Variants in GRID1 observed in about 807,000 individuals in gnomAD.
GRID1 encodes the protein glutamate receptor ionotropic, delta-1.
GRID1 carries 28 observed loss-of-function variants against 98.0 expected under a neutral mutation model. The ratio of observed to expected loss-of-function variants is 0.29; its 90% CI spans 0.21 to 0.39. The LOEUF (loss-of-function observed/expected upper bound fraction) is 0.39, where lower values mean the gene tolerates loss of function less well. Ranked by LOEUF, GRID1 falls within the 10% of genes least tolerant of loss-of-function variation. GRID1 has a pLI of 1.00. For missense variants in GRID1, 1,111 were observed against 1,340.5 expected (o/e 0.83, Z 2.67); for synonymous variants, 553 against 538.5 (o/e 1.03, Z -0.37).
At chr10:86,207,061 A>G (rs993320133) in intron 2 of GRID1, among the ~76,000 whole-genome samples, 3 of 152,074 alleles carry the variant, frequency 2.0e-5, no homozygotes, top group Admixed American at 2.0e-4. Flanking sequence ...TGATCTGTGC[A>G]TCCTCATGCC....
At chr10:85,925,785 G>A (rs577321332) in intron 4 of GRID1, among the ~76,000 whole-genome samples, 123 of 152,302 alleles carry the variant, frequency 8.1e-4, no homozygotes, top group Admixed American at 1.8e-3. Flanking sequence ...CATCCGCTGG[G>A]AGAATAGCTA....
chr10:86,267,682 G>A (rs1416906649), intron 2 of GRID1, among the ~76,000 whole-genome samples: 1 of 152,138 alleles, frequency 6.6e-6, no homozygotes, highest in Non-Finnish European at 1.5e-5. Flanking sequence ...TCAGCTGAAA[G>A]ACAACAAAAG....
chr10:85,809,696 C>G (rs1344542337), intron 8 of GRID1, among the ~76,000 whole-genome samples: 1 of 152,126 alleles, frequency 6.6e-6, no homozygotes, highest in Non-Finnish European at 1.5e-5. Context: ...TGAAGTGTAA[C>G]AAAGGAGTAG....
At chr10:85,703,563 C>T (rs1293240415) in intron 12 of GRID1, among the ~76,000 whole-genome samples, 1 of 151,878 alleles carries the variant, frequency 6.6e-6, no homozygotes, top group Non-Finnish European at 1.5e-5. Flanking sequence ...TTAGTATTAC[C>T]TTACATAAGG....
intron 13 of GRID1, among the ~76,000 whole-genome samples, chr10:85,634,248 A>ACCTCTC (rs1843007971): frequency 2.5e-5 from 1 of 40,610 alleles, no homozygotes; most frequent in Non-Finnish European, 4.6e-5. Context: ...CTGATGGGGC[A>ACCTCTC]CCTCTCTCTC....
chr10:86,233,529 G>C (rs2132037423), intron 2 of GRID1, among the ~76,000 whole-genome samples: 1 of 152,266 alleles, frequency 6.6e-6, no homozygotes, highest in East Asian at 1.9e-4. Flanking sequence ...CCCTCACCCA[G>C]GGGAGCTGCC....
In GRID1 at chr10:85,698,269, G is replaced by A. The variant is rs147281703; in HGVS notation, c.1997+24734C>T. On this transcript the variant is annotated intron_variant, in intron 12 of 15. Coordinates refer to ENST00000327946, the MANE Select transcript of GRID1 (RefSeq NM_017551.3). ...AGAATGAAAGGCTCACATGCAAAACGGCAATGATCCATGTATAAACAGAAT... is the reference window on the plus strand; with the variant it reads ...AGAATGAAAGGCTCACATGCAAAACAGCAATGATCCATGTATAAACAGAAT... Among the ~76,000 whole-genome samples the A allele has an allele frequency of 9.7e-4, 148 of 152,202 alleles. 1 individual carries two copies. In the East Asian group the frequency reaches 0.02, roughly 20 times the overall value.
intron 8 of GRID1, among the ~76,000 whole-genome samples, chr10:85,742,403 C>CA: frequency 6.6e-6 from 1 of 152,210 alleles, no homozygotes; most frequent in Admixed American, 6.5e-5. Context: ...GCCCAAGGGC[C>CA]ATAGTTCGTT....
intron 2 of GRID1, among the ~76,000 whole-genome samples, chr10:86,279,172 G>A (rs1847318311): frequency 6.6e-6 from 1 of 152,106 alleles, no homozygotes; most frequent in African/African-American, 2.4e-5. Context: ...TTCCACCATG[G>A]AAAGGTACCA....
At chr10:86,301,650 A>G (rs1226855228) in intron 2 of GRID1, among the ~76,000 whole-genome samples, 2 of 152,202 alleles carry the variant, frequency 1.3e-5, no homozygotes, top group African/African-American at 4.8e-5. Flanking sequence ...AGGCCCGAGA[A>G]TGAGAAAGCC....
In GRID1 at chr10:86,337,342, G is replaced by A. The variant is rs1848237535; in HGVS notation, c.235+26599C>T. ...GTGCCGCCCCAGGCAGGAGCTGGGA[G>A]GCTTTGATCCTTGACTTTGTGCGCT... is the stretch of plus-strand genomic sequence containing the variant. On this transcript the variant is annotated intron_variant, in intron 2 of 15. Transcript: ENST00000327946. Among the ~76,000 whole-genome samples, 4 of 152,218 alleles carry A rather than the reference G, an allele frequency of 2.6e-5. No homozygotes were observed. In the South Asian group the frequency reaches 8.3e-4, roughly 31 times the overall value.
At chr10:86,080,072 G>A (rs189347272) in intron 4 of GRID1, among the ~76,000 whole-genome samples, 241 of 152,190 alleles carry the variant, frequency 1.6e-3, no homozygotes, top group African/African-American at 5.2e-3. Context: ...GGTGGCTCAC[G>A]CCTGTAATCC....
At chr10:85,896,313 C>A (rs937959183) in intron 5 of GRID1, among the ~76,000 whole-genome samples, 4 of 152,116 alleles carry the variant, frequency 2.6e-5, no homozygotes, top group African/African-American at 9.7e-5. Context: ...GAAATTTTGA[C>A]CCTTTAAGGA....
At chr10:86,079,689 G>C (rs944428345) in intron 4 of GRID1, among the ~76,000 whole-genome samples, 6 of 152,132 alleles carry the variant, frequency 3.9e-5, no homozygotes, top group African/African-American at 1.4e-4. Flanking sequence ...GTCCTCCTCT[G>C]TCCATGGTGA....
chr10:85,755,039 C>T (rs1309318923), intron 8 of GRID1, among the ~76,000 whole-genome samples: 1 of 152,108 alleles, frequency 6.6e-6, no homozygotes, highest in South Asian at 2.1e-4. Flanking sequence ...TGAAGCAGCC[C>T]GATCATGAGC....
At chr10:85,942,451 G>A (rs1293573647) in intron 4 of GRID1, among the ~76,000 whole-genome samples, 1 of 152,092 alleles carries the variant, frequency 6.6e-6, no homozygotes, top group East Asian at 1.9e-4. Flanking sequence ...CCACACTAGG[G>A]GGATCCCCAC....
At chr10:85,730,213 C>T (rs896595513) in intron 8 of GRID1, among the ~76,000 whole-genome samples, 16 of 152,224 alleles carry the variant, frequency 1.1e-4, no homozygotes, top group African/African-American at 3.9e-4. Flanking sequence ...GAATCTGCTA[C>T]ATTCTCTTAA....
intron 4 of GRID1, among the ~76,000 whole-genome samples, chr10:86,026,508 G>A (rs968036216): frequency 5.9e-5 from 9 of 152,184 alleles, no homozygotes; most frequent in African/African-American, 1.7e-4. Flanking sequence ...ACTCAGGCTC[G>A]CTTTTGTTGA....
chr10:86,078,343 C>T (rs1262891026), intron 4 of GRID1, among the ~76,000 whole-genome samples: 1 of 152,230 alleles, frequency 6.6e-6, no homozygotes, highest in Admixed American at 6.5e-5. Flanking sequence ...AAATGCACAG[C>T]TGCTTCTTTA....
Sources: gnomAD v4.1 joint callset for allele counts (sites outside exome capture counted in the v4.1 genomes callset) on GRCh38, gnomAD v4.1.1 for gene constraint, MANE v1.5 for transcripts, NCBI Gene and HGNC (gene_info 2026-07-23, HGNC 2026-07-21) for gene names.